YTHDC2: variants seen among roughly 807,000 people sequenced by gnomAD.
YTHDC2 encodes the protein YTH N6-methyladenosine RNA binding protein C2.
A neutral mutation model predicts 174.9 loss-of-function variants in YTHDC2; 45 were observed. The observed-to-expected ratio is 0.26, with a 90% CI of 0.20 to 0.33. The LOEUF (loss-of-function observed/expected upper bound fraction) is 0.33, where lower values mean the gene tolerates loss of function less well. Among genes scored for constraint, YTHDC2 ranks in the 10% least tolerant of loss-of-function variants. YTHDC2 has a pLI of 1.00. For missense variants in YTHDC2, 1,650 were observed against 1,723.7 expected (o/e 0.96, Z 0.76); for synonymous variants, 657 against 574.5 (o/e 1.14, Z -2.05).
chr5:113,557,903 G>C (rs998313323), intron 17 of YTHDC2, among the ~76,000 whole-genome samples: 1 of 152,196 alleles, frequency 6.6e-6, no homozygotes, highest in Non-Finnish European at 1.5e-5. Flanking sequence ...AGTCTTCCCT[G>C]TGCACATGTT....
At chr5:113,533,394 A>G (rs1266859963) in intron 5 of YTHDC2, among the ~76,000 whole-genome samples, 1 of 151,774 alleles carries the variant, frequency 6.6e-6, no homozygotes, top group Non-Finnish European at 1.5e-5. Flanking sequence ...AAAAAAAAAT[A>G]CAAAATTATC....
At chr5:113,543,570 T>A (rs1177782208) in intron 10 of YTHDC2, among the ~76,000 whole-genome samples, 1 of 152,258 alleles carries the variant, frequency 6.6e-6, no homozygotes, top group Admixed American at 6.5e-5. Flanking sequence ...TACTGCAGTC[T>A]GTTCTCCGCA....
intron 23 of YTHDC2, among the ~76,000 whole-genome samples, chr5:113,576,803 A>G (rs1282351957): frequency 1.3e-5 from 2 of 149,312 alleles, no homozygotes; most frequent in African/African-American, 5.1e-5. Context: ...TTTTTCTGTC[A>G]TGTTTAAGTC....
chr5:113,543,503 A>G (rs182177335), intron 10 of YTHDC2, among the ~76,000 whole-genome samples: 43 of 152,288 alleles, frequency 2.8e-4, no homozygotes, highest in African/African-American at 9.6e-4. Flanking sequence ...CCCTAGTCCA[A>G]GCTAGCCTCT....
At chr5:113,519,795 A>T (rs967982013) in intron 2 of YTHDC2, among the ~76,000 whole-genome samples, 2 of 152,254 alleles carry the variant, frequency 1.3e-5, no homozygotes, top group African/African-American at 2.4e-5. Context: ...AAAATTCATT[A>T]TATAAATTTA....
At position 113,513,908 on chromosome 5, in the gene YTHDC2, A is replaced by C; in HGVS notation, c.13A>C (p.Ser5Arg). ...TCTCTTCAGGGCAATGTCCAGGCCGAGCAGCGTCTCCCCGCGGCAGCCGGC... is the reference window on the plus strand; with the variant it reads ...TCTCTTCAGGGCAATGTCCAGGCCGCGCAGCGTCTCCCCGCGGCAGCCGGC... MSRPSSVSPRQPAPG... is the reference protein window; with the variant it reads MSRPRSVSPRQPAPG... The change falls in exon 1 of 30, where the codon AGC (serine) becomes CGC (arginine). Residue 5 changes from serine to arginine, a missense_variant. Transcript: ENST00000161863. The C allele has an allele frequency of 1.2e-6, 2 of 1,604,666 alleles. No homozygotes were observed. Among genetic ancestry groups the C allele is most frequent in the East Asian group, 4.5e-5 (2 of 44,616 alleles).
At chr5:113,566,055 C>T (rs1422256490) in intron 21 of YTHDC2, 36 bp downstream of exon 21, 5 of 1,569,404 alleles carry the variant, frequency 3.2e-6, no homozygotes, top group Non-Finnish European at 4.3e-6. Flanking sequence ...ATTTAAGTTA[C>T]TGAGAGTACC....
chr5:113,593,370 A>C lies in YTHDC2; in HGVS notation c.4280A>C (p.Asn1427Thr). The C allele has an allele frequency of 6.2e-7, 1 of 1,612,630 alleles. No individual in the cohort carries two copies. Residue 1427 changes from asparagine (N) to threonine (T), a missense_variant, in exon 29 of 30, where the codon AAC (asparagine) becomes ACC (threonine). Transcript: ENST00000161863. ...LWERLPLGEKNTTD is the reference protein window; with the variant it reads ...LWERLPLGEKTTTD ...GAACGTCTTCCCTTGGGAGAAAAAA[A>C]CACAACTGATTGACACTCAGGTTAT...
chr5:113,581,641 G>T lies in YTHDC2; in HGVS notation c.3579G>T (p.Trp1193Cys). ...AAGAGCTTCCTTTGGCCTCATCTTG[G>T]AGGTCAAATAATAGTAGGAAAAGTT... Reference protein sequence around the residue: ...SSEELPLASSWRSNNSRKSSA... With the variant: ...SSEELPLASSCRSNNSRKSSA... The change falls in exon 25 of 30, where the codon TGG (tryptophan) becomes TGT (cysteine). Residue 1193 changes from tryptophan to cysteine, a missense_variant. By Grantham distance (215) the Trp-to-Cys change is radical (BLOSUM62 -2). Coordinates refer to ENST00000161863, the MANE Select transcript of YTHDC2 (RefSeq NM_022828.5). 6.2e-7 allele frequency: 1 copy of T among 1,613,140 alleles called. No individual in the cohort carries two copies. Among genetic ancestry groups the T allele is most frequent in the Non-Finnish European group, 8.5e-7 (1 of 1,179,692 alleles).
chr5:113,561,011 C>A, intron 17 of YTHDC2, 69 bp from the exon 18 acceptor site: 1 of 1,276,202 alleles, frequency 7.8e-7, no homozygotes, highest in Non-Finnish European at 1.1e-6. Context: ...TCCTAAATCA[C>A]ATTGCGTTTA....
At chr5:113,549,771 A>G (rs1776124377) in intron 12 of YTHDC2, among the ~76,000 whole-genome samples, 2 of 151,986 alleles carry the variant, frequency 1.3e-5, no homozygotes, top group Non-Finnish European at 2.9e-5. Context: ...CTGATACACT[A>G]TGTAATATAC....
At chr5:113,524,670 A>T (rs1774092368) in intron 2 of YTHDC2, among the ~76,000 whole-genome samples, 1 of 152,104 alleles carries the variant, frequency 6.6e-6, no homozygotes. Flanking sequence ...AGCATGTATC[A>T]TATTAACTGG....
chr5:113,569,679 C>G (rs1777587575), intron 23 of YTHDC2, among the ~76,000 whole-genome samples: 1 of 152,102 alleles, frequency 6.6e-6, no homozygotes, highest in Admixed American at 6.6e-5. Flanking sequence ...TTTCTGAGTT[C>G]TCTATTCTGT....
chr5:113,563,260 A>G (rs561332857), intron 18 of YTHDC2, 113 bp from the exon 19 acceptor site: 5 of 875,034 alleles, frequency 5.7e-6, no homozygotes, highest in African/African-American at 1.7e-5. Flanking sequence ...GTTCATTCTA[A>G]TCAGAGACTC....
At chr5:113,533,154 C>A in intron 5 of YTHDC2, 109 bp downstream of exon 5, 1 of 1,278,606 alleles carries the variant, frequency 7.8e-7, no homozygotes, top group Non-Finnish European at 1.1e-6. Context: ...GATCATTTTG[C>A]TCCAAGTAAG....
At chr5:113,561,212 C>A in intron 18 of YTHDC2, 27 bp downstream of exon 18, 1 of 1,586,280 alleles carries the variant, frequency 6.3e-7, no homozygotes, top group Non-Finnish European at 8.6e-7. Flanking sequence ...ATATAAAAGG[C>A]ATTTTTTTGG....
At chr5:113,541,960 A>G (rs1188583368) in intron 9 of YTHDC2, among the ~76,000 whole-genome samples, 1 of 152,138 alleles carries the variant, frequency 6.6e-6, no homozygotes, top group East Asian at 1.9e-4. Flanking sequence ...GCCCTATGGA[A>G]TCTAGCACCC....
At position 113,548,946 on chromosome 5, in the gene YTHDC2, T is replaced by C. The variant is rs765218939; in HGVS notation, c.1623-9T>C. ...GATGACATCTTATATATCCTTTGAA[T>C]TTTGGCAGGATGGCATTGGATTGGG... On this transcript the variant is annotated splice_polypyrimidine_tract_variant and intron_variant, in intron 11 of 29. Transcript: ENST00000161863. The C allele has an allele frequency of 3.7e-6, 6 of 1,610,950 alleles. No individual in the cohort carries two copies. The highest frequency in any genetic ancestry group is 5.1e-6 in the Non-Finnish European group (6 of 1,178,488).
intron 21 of YTHDC2, among the ~76,000 whole-genome samples, chr5:113,566,385 A>T (rs757752356): frequency 2.0e-5 from 3 of 151,076 alleles, no homozygotes; most frequent in Non-Finnish European, 4.4e-5. Flanking sequence ...TAAAAAATTG[A>T]TATGAATGCT....
Sources: gnomAD v4.1 joint callset for allele counts (sites outside exome capture counted in the v4.1 genomes callset) on GRCh38, gnomAD v4.1.1 for gene constraint, MANE v1.5 for transcripts, NCBI Gene and HGNC (gene_info 2026-07-23, HGNC 2026-07-21) for gene names.